ADAMTS19: variants seen among roughly 807,000 people sequenced by gnomAD.
ADAMTS19 encodes the protein ADAM metallopeptidase with thrombospondin type 1 motif 19.
In ADAMTS19, 93 loss-of-function variants were observed where a neutral mutation model predicts 153.3. The observed-to-expected ratio is 0.61, with a 90% confidence interval of 0.51 to 0.72. The LOEUF (loss-of-function observed/expected upper bound fraction) is 0.72, where lower values mean the gene tolerates loss of function less well. Among genes scored for constraint, ADAMTS19 ranks in the 30% least tolerant of loss-of-function variants. The probability of loss-of-function intolerance (pLI) is 0.00; values close to 1 mark genes in which losing one functional copy is unlikely to be tolerated. For synonymous variants in ADAMTS19, 600 were observed against 556.6 expected (o/e 1.08, Z -1.10); for missense variants, 1,482 against 1,552.1 (o/e 0.95, Z 0.76).
At chr5:129,657,327 T>C (rs1489541195) in intron 14 of ADAMTS19, among the ~76,000 whole-genome samples, 1 of 152,186 alleles carries the variant, frequency 6.6e-6, no homozygotes, top group Non-Finnish European at 1.5e-5. Context: ...ACAAAGATTC[T>C]GTTTTTGTTT....
chr5:129,536,269 C>G (rs1012313817), intron 6 of ADAMTS19, among the ~76,000 whole-genome samples: 3 of 152,152 alleles, frequency 2.0e-5, no homozygotes, highest in African/African-American at 7.2e-5. Flanking sequence ...ACAGACACTT[C>G]TCAAAAGAAG....
Position 129,617,258 on chromosome 5 carries a change from T to C in ADAMTS19, c.1479-3360T>C, listed in dbSNP as rs73232327. Among the ~76,000 whole-genome samples the C allele has an allele frequency of 5.2e-3, 794 of 152,124 alleles. 5 individuals are homozygous for C. Among genetic ancestry groups the C allele is most frequent in the African/African-American group, 0.018 (766 of 41,520 alleles). ...TGAGTTAAATGGCTTTAGGAAAATT[T>C]AACTACTGGTAAACAATGCTTGAAT... On this transcript the variant is annotated intron_variant, in intron 8 of 22. Transcript: ENST00000274487.
intron 6 of ADAMTS19, among the ~76,000 whole-genome samples, chr5:129,538,119 C>G (rs1360484482): frequency 1.3e-5 from 2 of 151,618 alleles, no homozygotes; most frequent in African/African-American, 4.8e-5. Context: ...GCTTCTGAGA[C>G]TAAAGAAGAC....
chr5:129,528,667 C>A lies in ADAMTS19; in HGVS notation c.1318C>A (p.Leu440Ile). Residue 440 changes from leucine to isoleucine, a missense_variant, in exon 6 of 23, where the codon CTT (leucine) becomes ATT (isoleucine). Physicochemically the swap from Leu to Ile is conservative, Grantham distance 5. Coordinates refer to ENST00000274487, the MANE Select transcript of ADAMTS19 (RefSeq NM_133638.6). ...CATGACTTCAGTGGATGCAGCTATA[C>A]TTATAACAAGGTAAATTTTCCAATG... ...EDMTSVDAAILITRKDFCVHK... is the reference protein window; with the variant it reads ...EDMTSVDAAIIITRKDFCVHK... The A allele has an allele frequency of 6.3e-7, 1 of 1,588,898 alleles. No individual in the cohort carries two copies. Among genetic ancestry groups the A allele is most frequent in the Non-Finnish European group, 8.5e-7 (1 of 1,169,766 alleles).
intron 18 of ADAMTS19, chr5:129,688,262 T>C (rs1270261022): frequency 8.5e-5 from 13 of 152,200 alleles, no homozygotes; most frequent in Admixed American, 8.5e-4. Context: ...GCAAAATTTA[T>C]CTTCAACAGC....
intron 2 of ADAMTS19, among the ~76,000 whole-genome samples, chr5:129,488,828 G>A (rs1750677078): frequency 6.6e-6 from 1 of 151,924 alleles, no homozygotes; most frequent in Non-Finnish European, 1.5e-5. Flanking sequence ...ACTGTTTTTT[G>A]TATTTATCTG....
Position 129,658,663 on chromosome 5 carries a change from A to G in ADAMTS19, c.2351A>G (p.His784Arg), listed in dbSNP as rs1384369486. The G allele has an allele frequency of 1.2e-6, 2 of 1,613,540 alleles. No individual in the cohort carries two copies. Among genetic ancestry groups the G allele is most frequent in the African/African-American group, 2.7e-5 (2 of 74,928 alleles). ...GLLGSLARED[H>R]CGVCNGNGKS... is the part of the protein sequence containing the mutation. ...TTAGGGTCTCTTGCAAGAGAAGATCATTGTGGTGTATGCAATGGCAATGGA... is the reference window on the plus strand; with the variant it reads ...TTAGGGTCTCTTGCAAGAGAAGATCGTTGTGGTGTATGCAATGGCAATGGA... Residue 784 changes from histidine to arginine, a missense_variant, in exon 15 of 23, where the codon CAT becomes CGT. By Grantham distance (29) the His-to-Arg change is conservative (BLOSUM62 0). This residue lies in a region of ADAMTS19 where 616 missense variants were observed against 724.4 expected (regional missense o/e 0.85). Coordinates refer to ENST00000274487, the MANE Select transcript of ADAMTS19 (RefSeq NM_133638.6).
chr5:129,578,174 C>A (rs1459755477), intron 7 of ADAMTS19, among the ~76,000 whole-genome samples: 1 of 59,356 alleles, frequency 1.7e-5, no homozygotes, highest in African/African-American at 5.6e-5. Flanking sequence ...GTACATATAC[C>A]TATATGCATG....
chr5:129,498,245 C>T (rs1297390441), intron 2 of ADAMTS19, among the ~76,000 whole-genome samples: 5 of 152,032 alleles, frequency 3.3e-5, no homozygotes, highest in Admixed American at 3.3e-4. Flanking sequence ...CTCTCCATTT[C>T]AATCTTTCTT....
chr5:129,619,977 TGAAAGA>T lies in ADAMTS19; in HGVS notation c.1479-635_1479-630del, dbSNP rs2126975060. On this transcript the variant is annotated intron_variant, in intron 8 of 22. Transcript: ENST00000274487. ...TAGAATAGAGGAGTAAGTAGAGAAT[TGAAAGA>T]GAAAGTAAGAAAGGCAGTCTTTAGA... Among the ~76,000 whole-genome samples the T allele has an allele frequency of 2.0e-5, 3 of 151,962 alleles. No homozygotes were observed. The South Asian group carries it at 6.2e-4, about 32-fold the overall frequency.
chr5:129,658,363 A>AAGAG lies in ADAMTS19; in HGVS notation c.2305-251_2305-250insGAGA, dbSNP rs1245164052. 3.3e-5 allele frequency among the ~76,000 whole-genome samples: 4 copies of AAGAG among 121,478 alleles called. 1 individual carries two copies. The South Asian group carries it at 1.0e-3, about 31-fold the overall frequency. The allele number at this position is 121,478 out of a possible 152,430, so 79.7% of individuals were successfully genotyped here. On this transcript the variant is annotated intron_variant, in intron 14 of 22. Transcript: ENST00000274487. ...AAAGAAAGAAAGAAAGAAAGAAAGA[A>AAGAG]AGAAAGAGAGAGAGGAAGGAAGGAA...
At chr5:129,638,693 T>C (rs2127017147) in intron 10 of ADAMTS19, among the ~76,000 whole-genome samples, 1 of 152,252 alleles carries the variant, frequency 6.6e-6, no homozygotes, top group African/African-American at 2.4e-5. Context: ...TTGCAATCTG[T>C]TAAGTTATTG....
intron 2 of ADAMTS19, among the ~76,000 whole-genome samples, chr5:129,463,476 C>T (rs747958760): frequency 1.8e-4 from 28 of 152,156 alleles, no homozygotes; most frequent in Non-Finnish European, 4.0e-4. Context: ...TGGACTTTTA[C>T]TCACTGTTCC....
intron 2 of ADAMTS19, among the ~76,000 whole-genome samples, chr5:129,494,569 G>T (rs1046797758): frequency 2.0e-5 from 3 of 152,040 alleles, no homozygotes; most frequent in African/African-American, 7.2e-5. Flanking sequence ...CTCTAGTTCA[G>T]ACCTCTTTGT....
At chr5:129,618,490 A>ATTCCT (rs1229980208) in intron 8 of ADAMTS19, among the ~76,000 whole-genome samples, 1 of 151,976 alleles carries the variant, frequency 6.6e-6, no homozygotes, top group African/African-American at 2.4e-5. Context: ...GAATTTATTT[A>ATTCCT]TTCCTTTCAT....
At chr5:129,511,520 GAC>G (rs535208820) in intron 3 of ADAMTS19, among the ~76,000 whole-genome samples, 129 of 151,834 alleles carry the variant, frequency 8.5e-4, no homozygotes, top group Non-Finnish European at 1.6e-3. Flanking sequence ...GGAGATAAAT[GAC>G]ACAGTTTCTA....
intron 15 of ADAMTS19, among the ~76,000 whole-genome samples, chr5:129,660,984 C>G (rs918288469): frequency 4.6e-5 from 7 of 152,162 alleles, no homozygotes; most frequent in Non-Finnish European, 8.8e-5. Context: ...GCCACACACA[C>G]CCACATCTGG....
chr5:129,546,350 A>T (rs1231436090), intron 6 of ADAMTS19, among the ~76,000 whole-genome samples: 1 of 150,798 alleles, frequency 6.6e-6, no homozygotes. Flanking sequence ...ACTAACCTGC[A>T]CAATGTGCAC....
chr5:129,582,419 C>T (rs1749559953), intron 7 of ADAMTS19, among the ~76,000 whole-genome samples: 1 of 151,432 alleles, frequency 6.6e-6, no homozygotes, highest in African/African-American at 2.4e-5. Flanking sequence ...ATTGCAACCT[C>T]TGCTCTTTTT....
Sources: gnomAD v4.1 joint callset for allele counts (sites outside exome capture counted in the v4.1 genomes callset) on GRCh38, gnomAD v4.1.1 for gene constraint, gnomAD v4.1.1 regional missense constraint, MANE v1.5 for transcripts, NCBI Gene and HGNC (gene_info 2026-07-23, HGNC 2026-07-21) for gene names.